Variants in MACROD2 observed in about 807,000 individuals in gnomAD.
The protein encoded by MACROD2 is mono-ADP ribosylhydrolase 2.
A neutral mutation model predicts 70.4 loss-of-function variants in MACROD2; 36 were observed. The observed-to-expected ratio is 0.51, with a 90% CI of 0.39 to 0.68. MACROD2 has a LOEUF of 0.68. Ranked by LOEUF, MACROD2 falls within the 30% of genes least tolerant of loss-of-function variation. The probability of loss-of-function intolerance (pLI) is 0.00; values close to 1 mark genes in which losing one functional copy is unlikely to be tolerated. For synonymous variants in MACROD2, 172 were observed against 178.8 expected, an observed-to-expected ratio of 0.96 and a Z score of 0.30; for missense variants, 496 against 538.4, an observed-to-expected ratio of 0.92 and a Z score of 0.78.
At chr20:14,956,042 C>CAGTA (rs72367085) in intron 5 of MACROD2, among the ~76,000 whole-genome samples, 20,888 of 146,626 alleles carry the variant, frequency 0.14, 1,744 homozygotes, top group East Asian at 0.33. Context: ...TTTTGTAATT[C>CAGTA]AGTAACTTAT....
At chr20:14,953,465 C>A (rs936795105) in intron 5 of MACROD2, among the ~76,000 whole-genome samples, 2 of 152,040 alleles carry the variant, frequency 1.3e-5, no homozygotes, top group Non-Finnish European at 2.9e-5. Context: ...TGCCACCACG[C>A]CCAGCTAATT....
At chr20:14,084,188 ATT>A (rs1218863064) in intron 2 of MACROD2, among the ~76,000 whole-genome samples, 1 of 146,700 alleles carries the variant, frequency 6.8e-6, no homozygotes, top group African/African-American at 2.5e-5. Flanking sequence ...TCTTGGCCAA[ATT>A]TTTTTTTTTG....
At chr20:16,038,350 G>T (rs1390696761) in intron 15 of MACROD2, among the ~76,000 whole-genome samples, 1 of 151,554 alleles carries the variant, frequency 6.6e-6, no homozygotes, top group Non-Finnish European at 1.5e-5. Flanking sequence ...TATTCCTTTT[G>T]CTCTATTTTA....
At chr20:15,214,961 G>A (rs2076796424) in intron 5 of MACROD2, among the ~76,000 whole-genome samples, 1 of 152,086 alleles carries the variant, frequency 6.6e-6, no homozygotes, top group Non-Finnish European at 1.5e-5. Flanking sequence ...TAAATCTAAT[G>A]TTTAGGGTAA....
intron 7 of MACROD2, among the ~76,000 whole-genome samples, chr20:15,462,254 A>G (rs6135417): frequency 1.3e-5 from 2 of 152,196 alleles, no homozygotes. Context: ...ATGTGAAGGC[A>G]TGACTTGCAT....
intron 8 of MACROD2, among the ~76,000 whole-genome samples, chr20:15,594,280 C>G (rs999480543): frequency 8.6e-5 from 13 of 151,930 alleles, no homozygotes; most frequent in Admixed American, 8.5e-4. Flanking sequence ...TTTGAAAGGC[C>G]TATTTGTGTT....
chr20:14,036,989 C>T (rs549939082), intron 2 of MACROD2, among the ~76,000 whole-genome samples: 8 of 152,174 alleles, frequency 5.3e-5, no homozygotes, highest in Non-Finnish European at 7.3e-5. Flanking sequence ...AAAAATAAAA[C>T]GTTTTTAAAC....
At position 15,255,289 on chromosome 20, in the gene MACROD2, T is replaced by C. The variant is rs150548314; in HGVS notation, c.540+25228T>C. On this transcript the variant is annotated intron_variant, in intron 6 of 17. Transcript: ENST00000684519. ...TATCATTGACCTAGTCTGTTATGCATTTTTAAGTTCCTGTGTTTGATTTGT... is the reference window on the plus strand; with the variant it reads ...TATCATTGACCTAGTCTGTTATGCACTTTTAAGTTCCTGTGTTTGATTTGT... Among the ~76,000 whole-genome samples, 671 of 152,218 alleles carry C rather than the reference T, an allele frequency of 4.4e-3. 6 individuals carry two copies. Among genetic ancestry groups the C allele is most frequent in the South Asian group, 0.033 (158 of 4,816 alleles).
chr20:15,296,053 T>C (rs2077585230), intron 6 of MACROD2, among the ~76,000 whole-genome samples: 1 of 152,214 alleles, frequency 6.6e-6, no homozygotes, highest in African/African-American at 2.4e-5. Flanking sequence ...TGTTGCACCC[T>C]TGCAACATAT....
intron 8 of MACROD2, among the ~76,000 whole-genome samples, chr20:15,616,787 T>C (rs1011785528): frequency 6.6e-6 from 1 of 152,248 alleles, no homozygotes; most frequent in Non-Finnish European, 1.5e-5. Context: ...ATTCTGGGCT[T>C]TGTCACTGAA....
chr20:14,191,580 G>A (rs76164513), intron 3 of MACROD2, among the ~76,000 whole-genome samples: 1 of 152,176 alleles, frequency 6.6e-6, no homozygotes, highest in South Asian at 2.1e-4. Flanking sequence ...AATAGAGAAG[G>A]GTAGAGGAGA....
intron 4 of MACROD2, among the ~76,000 whole-genome samples, chr20:14,541,773 T>C (rs2085436334): frequency 5.3e-5 from 8 of 152,224 alleles, no homozygotes; most frequent in Admixed American, 5.2e-4. Flanking sequence ...TATGTTTATC[T>C]GTTATAATAG....
In MACROD2 at chr20:14,160,147, C is replaced by G. The variant is rs942830150; in HGVS notation, c.271+74419C>G. ...CTAGTATTAAGATGAGGACTTTTAC[C>G]TCTATGTTCATTAAAGATACTGCCT... On this transcript the variant is annotated intron_variant, in intron 3 of 17. Coordinates refer to ENST00000684519, the MANE Select transcript of MACROD2 (RefSeq NM_001351661.2). 3.9e-5 allele frequency among the ~76,000 whole-genome samples: 6 copies of G among 152,038 alleles called. No homozygotes were observed. In the East Asian group the frequency reaches 7.7e-4, roughly 20 times the overall value.
At chr20:15,859,049 T>A (rs2064390299) in intron 8 of MACROD2, among the ~76,000 whole-genome samples, 2 of 152,194 alleles carry the variant, frequency 1.3e-5, no homozygotes, top group South Asian at 4.1e-4. Context: ...ATATTTTGTA[T>A]GTTATATGTA....
At chr20:14,756,546 A>G (rs898966102) in intron 5 of MACROD2, among the ~76,000 whole-genome samples, 2 of 152,060 alleles carry the variant, frequency 1.3e-5, no homozygotes, top group African/African-American at 4.8e-5. Flanking sequence ...CAAAAATTAT[A>G]ATGTATGAAT....
intron 4 of MACROD2, among the ~76,000 whole-genome samples, chr20:14,506,309 A>C (rs550565251): frequency 6.6e-6 from 1 of 152,180 alleles, no homozygotes; most frequent in Non-Finnish European, 1.5e-5. Flanking sequence ...CATAGGAGCC[A>C]CAAAAGGCCA....
Position 14,461,489 on chromosome 20 carries a change from T to TA in MACROD2, c.272-31989dup, listed in dbSNP as rs796555378. Among the ~76,000 whole-genome samples the TA allele has an allele frequency of 3.0e-4, 46 of 152,054 alleles. 1 individual carries two copies. The highest frequency in any genetic ancestry group is 7.7e-4 in the African/African-American group (32 of 41,412). Reference sequence around the variant, plus strand: ...GCTAGATTTTGAATTTGTTTGCTGTTACTTCTCTAGGTCTTTTTTTTTTAT... The same window carrying TA: ...GCTAGATTTTGAATTTGTTTGCTGTTAACTTCTCTAGGTCTTTTTTTTTTAT... On this transcript the variant is annotated intron_variant, in intron 3 of 17. Coordinates refer to ENST00000684519, the MANE Select transcript of MACROD2 (RefSeq NM_001351661.2).
At chr20:14,679,552 A>C (rs929612909) in intron 4 of MACROD2, among the ~76,000 whole-genome samples, 12 of 152,224 alleles carry the variant, frequency 7.9e-5, no homozygotes, top group African/African-American at 2.9e-4. Flanking sequence ...TTAATAGAGA[A>C]GCAGTAAGAT....
chr20:15,647,454 G>C (rs1168896768), intron 8 of MACROD2, among the ~76,000 whole-genome samples: 1 of 152,174 alleles, frequency 6.6e-6, no homozygotes, highest in African/African-American at 2.4e-5. Context: ...CCATGCTAAG[G>C]AGTCAGCAAT....
Sources: gnomAD v4.1 joint callset for allele counts (sites outside exome capture counted in the v4.1 genomes callset) on GRCh38, gnomAD v4.1.1 for gene constraint, MANE v1.5 for transcripts, NCBI Gene and HGNC (gene_info 2026-07-23, HGNC 2026-07-21) for gene names.